The following EPS15 variants were observed in gnomAD, a reference collection of about 807,000 sequenced individuals.
The protein encoded by EPS15 is epidermal growth factor receptor substrate 15.
EPS15 carries 72 observed loss-of-function variants against 113.8 expected under a neutral mutation model. The ratio of observed to expected loss-of-function variants is 0.63; its 90% CI spans 0.52 to 0.77. The LOEUF is 0.77. Among genes scored for constraint, EPS15 ranks in the 30% least tolerant of loss-of-function variants. The probability of loss-of-function intolerance (pLI) is 0.00; values close to 1 mark genes in which losing one functional copy is unlikely to be tolerated. For missense variants in EPS15, 1,048 were observed against 1,045.8 expected (o/e 1.00, Z -0.03); for synonymous variants, 344 against 363.4 (o/e 0.95, Z 0.61).
intron 1 of EPS15, among the ~76,000 whole-genome samples, chr1:51,512,749 T>G (rs537267571): frequency 1.2e-3 from 178 of 152,108 alleles, no homozygotes; most frequent in Non-Finnish European, 1.9e-3. Context: ...ATTACTGGAC[T>G]GACAATAATA....
At chr1:51,506,801 AC>A (rs1211750474) in intron 1 of EPS15, among the ~76,000 whole-genome samples, 4 of 151,768 alleles carry the variant, frequency 2.6e-5, no homozygotes, top group Non-Finnish European at 4.4e-5. Context: ...AAAAAAAAAA[AC>A]AGAACAGAAC....
intron 21 of EPS15, among the ~76,000 whole-genome samples, chr1:51,368,598 CT>C (rs1228266658): frequency 0.056 from 7,798 of 139,528 alleles, 217 homozygotes; most frequent in African/African-American, 0.086. Context: ...TTTTTTGTTT[CT>C]TTTTTTTTTT....
intron 1 of EPS15, among the ~76,000 whole-genome samples, chr1:51,495,190 A>G (rs1385042043): frequency 3.9e-5 from 6 of 152,306 alleles, no homozygotes; most frequent in African/African-American, 1.2e-4. Context: ...TGTGACCCTG[A>G]CACACCAGAA....
intron 2 of EPS15, among the ~76,000 whole-genome samples, chr1:51,473,865 A>G (rs534108853): frequency 1.3e-5 from 2 of 152,336 alleles, no homozygotes; most frequent in Non-Finnish European, 2.9e-5. Context: ...ACATGGGAAA[A>G]ATCATGCACT....
chr1:51,372,080 C>T (rs1449724760), intron 21 of EPS15, among the ~76,000 whole-genome samples: 6 of 152,186 alleles, frequency 3.9e-5, no homozygotes, highest in African/African-American at 7.2e-5. Flanking sequence ...TCTGATGTTC[C>T]CCTAACCACA....
chr1:51,408,213 C>T lies in EPS15; in HGVS notation c.1395G>A (p.Glu465=). 1.2e-6 allele frequency: 2 copies of T among 1,614,136 alleles called. No individual in the cohort carries two copies. The highest frequency in any genetic ancestry group is 1.7e-6 in the Non-Finnish European group (2 of 1,179,986). ...GAGCCTTCCCTGACTCTACACTCTCCTCCAATTCTGCTGTTTCTTGCTGTA... is the reference window on the plus strand; with the variant it reads ...GAGCCTTCCCTGACTCTACACTCTCTTCCAATTCTGCTGTTTCTTGCTGTA... ...SRLQQETAEL[E]ESVESGKAQL... is the part of the protein sequence containing the mutation. Residue 465 remains glutamate, a synonymous_variant, in exon 15 of 25, where the codon GAG becomes GAA. Transcript: ENST00000371733.
At chr1:51,506,874 G>A (rs541453404) in intron 1 of EPS15, among the ~76,000 whole-genome samples, 1 of 151,588 alleles carries the variant, frequency 6.6e-6, no homozygotes, top group African/African-American at 2.4e-5. Context: ...AATACAGACT[G>A]CAGAGAAGGG....
chr1:51,492,748 G>C (rs937724985), intron 1 of EPS15, among the ~76,000 whole-genome samples: 16 of 152,116 alleles, frequency 1.1e-4, no homozygotes, highest in African/African-American at 3.6e-4. Flanking sequence ...GAAGAAGCAT[G>C]ATCTTTAAGC....
At chr1:51,492,038 G>A (rs1271060046) in intron 1 of EPS15, among the ~76,000 whole-genome samples, 1 of 151,630 alleles carries the variant, frequency 6.6e-6, no homozygotes, top group Non-Finnish European at 1.5e-5. Flanking sequence ...TTGTAGAGAT[G>A]GGTTTTCACC....
At chr1:51,357,025 T>C (rs1194978871) in intron 24 of EPS15, among the ~76,000 whole-genome samples, 179 bp from the exon 25 acceptor site, 3 of 152,090 alleles carry the variant, frequency 2.0e-5, no homozygotes, top group Non-Finnish European at 4.4e-5. Context: ...TATTAAGCTA[T>C]AGTTTAATTT....
intron 1 of EPS15, among the ~76,000 whole-genome samples, chr1:51,509,859 C>G (rs1420875635): frequency 6.6e-6 from 1 of 152,122 alleles, no homozygotes; most frequent in African/African-American, 2.4e-5. Context: ...CAGCTATAAC[C>G]AAGGAATGGT....
chr1:51,448,136 C>G lies in EPS15; in HGVS notation c.562-1G>C, dbSNP rs764979981. 1 of 1,604,792 alleles carries G rather than the reference C, an allele frequency of 6.2e-7. No individual in the cohort carries two copies. The highest frequency in any genetic ancestry group is 8.5e-7 in the Non-Finnish European group (1 of 1,172,324). ...GTGCACAGTATACCAAAAACATGGC[C>G]TTCAAAATAAATGAACCAGGGTCAT... On this transcript the variant is annotated splice_acceptor_variant, in intron 8 of 24. Transcript: ENST00000371733. LOFTEE classifies it high-confidence loss of function.
chr1:51,442,103 ACT>A (rs1370622484), intron 11 of EPS15, among the ~76,000 whole-genome samples: 11 of 152,108 alleles, frequency 7.2e-5, no homozygotes, highest in Admixed American at 6.6e-5. Context: ...TCTGTGTTCC[ACT>A]GATACACAAA....
At chr1:51,404,377 CAAA>C (rs35682249) in intron 16 of EPS15, among the ~76,000 whole-genome samples, 1 of 99,704 alleles carries the variant, frequency 1.0e-5, no homozygotes, top group Admixed American at 1.1e-4. Context: ...GACTCCGTCT[CAAA>C]AAAAAAAAAA....
chr1:51,485,665 G>C (rs775092248), intron 1 of EPS15, among the ~76,000 whole-genome samples: 1 of 152,090 alleles, frequency 6.6e-6, no homozygotes, highest in Non-Finnish European at 1.5e-5. Flanking sequence ...TATCAACAAA[G>C]TTTGCCAAGA....
At chr1:51,402,863 C>G (rs1316313988) in intron 17 of EPS15, among the ~76,000 whole-genome samples, 11 of 152,168 alleles carry the variant, frequency 7.2e-5, no homozygotes, top group Admixed American at 7.2e-4. Flanking sequence ...CAAGATCACA[C>G]TACTGCACTC....
At chr1:51,507,120 A>T (rs1644511885) in intron 1 of EPS15, among the ~76,000 whole-genome samples, 1 of 152,210 alleles carries the variant, frequency 6.6e-6, no homozygotes, top group African/African-American at 2.4e-5. Context: ...AAATTCACTC[A>T]TTTGATTTCA....
intron 1 of EPS15, among the ~76,000 whole-genome samples, chr1:51,498,347 CAACTT>C (rs1644360844): frequency 6.6e-6 from 1 of 152,100 alleles, no homozygotes; most frequent in South Asian, 2.1e-4. Context: ...TACAATGGTT[CAACTT>C]AACAATTTTT....
At chr1:51,360,172 G>A (rs1044231812) in intron 24 of EPS15, among the ~76,000 whole-genome samples, 1 of 152,120 alleles carries the variant, frequency 6.6e-6, no homozygotes, top group African/African-American at 2.4e-5. Context: ...ATGCTACACT[G>A]AGGAGGGAAA....
Sources: gnomAD v4.1 joint callset for allele counts (sites outside exome capture counted in the v4.1 genomes callset) on GRCh38, gnomAD v4.1.1 for gene constraint, MANE v1.5 for transcripts, NCBI Gene and HGNC (gene_info 2026-07-23, HGNC 2026-07-21) for gene names.